The following FRMPD2 variants were observed in gnomAD, a reference collection of about 807,000 sequenced individuals.
FRMPD2 encodes FERM and PDZ domain containing 2.
A neutral mutation model predicts 140.1 loss-of-function variants in FRMPD2; 96 were observed. The observed-to-expected ratio is 0.69, with a 90% CI of 0.58 to 0.81. The LOEUF is 0.81. Ranked by LOEUF, FRMPD2 falls within the 40% of genes least tolerant of loss-of-function variation. The pLI is 0.00. For synonymous variants in FRMPD2, 449 were observed against 547.6 expected (o/e 0.82, Z 2.52); for missense variants, 1,240 against 1,447.4 (o/e 0.86, Z 2.32).
intron 15 of FRMPD2, among the ~76,000 whole-genome samples, chr10:48,197,285 T>A (rs1219421554): frequency 6.6e-6 from 1 of 152,032 alleles, no homozygotes. Context: ...GAGCCACCAT[T>A]ACTACTCTCA....
intron 3 of FRMPD2, among the ~76,000 whole-genome samples, chr10:48,247,488 C>G (rs558692286): frequency 2.2e-4 from 34 of 152,238 alleles, no homozygotes; most frequent in Non-Finnish European, 4.3e-4. Flanking sequence ...CATCTCCTTG[C>G]AACAAGCAAC....
chr10:48,207,918 C>T (rs1162153916), intron 13 of FRMPD2, among the ~76,000 whole-genome samples: 11 of 152,276 alleles, frequency 7.2e-5, no homozygotes, highest in African/African-American at 1.2e-4. Flanking sequence ...TCCCATTCAC[C>T]GTTGATGAAG....
chr10:48,258,043 G>A (rs148793147), intron 1 of FRMPD2, among the ~76,000 whole-genome samples: 4 of 152,340 alleles, frequency 2.6e-5, no homozygotes, highest in African/African-American at 9.6e-5. Flanking sequence ...GAAGGAACCA[G>A]GAAGAATGTG....
intron 15 of FRMPD2, among the ~76,000 whole-genome samples, chr10:48,197,197 C>T (rs1358966167): frequency 2.6e-5 from 4 of 152,178 alleles, no homozygotes; most frequent in African/African-American, 9.7e-5. Context: ...TTGACCCCAA[C>T]TCCTGGGCCA....
chr10:48,203,303 T>C (rs1785830067), intron 14 of FRMPD2, among the ~76,000 whole-genome samples: 1 of 152,134 alleles, frequency 6.6e-6, no homozygotes, highest in Admixed American at 6.5e-5. Context: ...GACATAAAGG[T>C]GAAAAGAGTC....
intron 14 of FRMPD2, among the ~76,000 whole-genome samples, chr10:48,205,100 C>G (rs1839174996): frequency 6.6e-6 from 1 of 152,166 alleles, no homozygotes; most frequent in East Asian, 1.9e-4. Flanking sequence ...CTATTTTGTG[C>G]TTACAGAAGC....
Position 48,201,263 on chromosome 10 carries a change from T to G in FRMPD2, c.1919A>C (p.Gln640Pro). ...ATGGGAAGGCTGCCCAGAGCCCATCTGTGCATTAAACCCATGCTGGGCTGA... is the reference window on the plus strand; with the variant it reads ...ATGGGAAGGCTGCCCAGAGCCCATCGGTGCATTAAACCCATGCTGGGCTGA... ...LCSAQHGFNA[Q>P]MGSGQPSHVL... The change falls in exon 15 of 29, where the codon CAG becomes CCG. Residue 640 changes from glutamine to proline, a missense_variant. Physicochemically the swap from Gln to Pro is moderately conservative, Grantham distance 76. Transcript: ENST00000374201. 2 of 1,613,154 alleles carry G rather than the reference T, an allele frequency of 1.2e-6. No homozygotes were observed. The highest frequency in any genetic ancestry group is 1.7e-6 in the Non-Finnish European group (2 of 1,179,486).
intron 15 of FRMPD2, 49 bp downstream of exon 15, chr10:48,201,178 GA>G: frequency 1.4e-6 from 2 of 1,413,612 alleles, no homozygotes; most frequent in Non-Finnish European, 1.9e-6. Flanking sequence ...ATTATTTTAT[GA>G]AATAACAAAC....
chr10:48,220,930 C>A (rs1215972909), intron 12 of FRMPD2, among the ~76,000 whole-genome samples: 3 of 152,050 alleles, frequency 2.0e-5, no homozygotes, highest in South Asian at 4.1e-4. Context: ...ACCAAAAAAT[C>A]AAAAAATGAT....
intron 1 of FRMPD2, among the ~76,000 whole-genome samples, chr10:48,257,835 T>C (rs933733723): frequency 4.6e-5 from 7 of 152,192 alleles, no homozygotes; most frequent in Admixed American, 6.5e-5. Flanking sequence ...GAGCACATCA[T>C]ATTTCCTGTC....
chr10:48,206,576 A>G (rs1468632407), intron 14 of FRMPD2, among the ~76,000 whole-genome samples, 172 bp downstream of exon 14: 1 of 152,326 alleles, frequency 6.6e-6, no homozygotes, highest in Admixed American at 6.5e-5. Flanking sequence ...CCCTTGGCAG[A>G]CTTCTTCCAA....
At chr10:48,170,439 C>T (rs1348778958) in intron 26 of FRMPD2, among the ~76,000 whole-genome samples, 1 of 152,182 alleles carries the variant, frequency 6.6e-6, no homozygotes, top group African/African-American at 2.4e-5. Context: ...TCCCACTCTT[C>T]CTAGCCCTAG....
chr10:48,203,085 T>C (rs1839126469), intron 14 of FRMPD2, among the ~76,000 whole-genome samples: 1 of 152,214 alleles, frequency 6.6e-6, no homozygotes, highest in South Asian at 2.1e-4. Flanking sequence ...GGTGAGCCAC[T>C]GTGCCTTGCA....
intron 20 of FRMPD2, among the ~76,000 whole-genome samples, chr10:48,182,527 T>A (rs1018933914): frequency 6.6e-6 from 1 of 152,128 alleles, no homozygotes; most frequent in African/African-American, 2.4e-5. Flanking sequence ...AAGAAAGTCA[T>A]GGTAGTCAAG....
intron 21 of FRMPD2, among the ~76,000 whole-genome samples, chr10:48,179,278 G>GA (rs1185962166): frequency 7.0e-6 from 1 of 141,878 alleles, no homozygotes; most frequent in Non-Finnish European, 1.5e-5. Flanking sequence ...AGGTTTCTCT[G>GA]ACCTTCCCCT....
intron 12 of FRMPD2, among the ~76,000 whole-genome samples, chr10:48,218,903 C>T (rs1324350340): frequency 6.6e-6 from 1 of 152,188 alleles, no homozygotes; most frequent in Non-Finnish European, 1.5e-5. Context: ...TTTTGCAAGA[C>T]AATAAATGAC....
intron 14 of FRMPD2, among the ~76,000 whole-genome samples, chr10:48,203,876 C>A (rs867725070): frequency 6.6e-6 from 1 of 152,182 alleles, no homozygotes; most frequent in Admixed American, 6.5e-5. Flanking sequence ...CTCCTTGCCA[C>A]GTCCCTTCGC....
chr10:48,211,969 C>G lies in FRMPD2; in HGVS notation c.1596G>C (p.Glu532Asp), dbSNP rs754374276. 4 of 1,613,564 alleles carry G rather than the reference C, an allele frequency of 2.5e-6. No individual in the cohort carries two copies. The highest frequency in any genetic ancestry group is 3.4e-6 in the Non-Finnish European group (4 of 1,179,856). Residue 532 changes from glutamate to aspartate, a missense_variant, in exon 13 of 29, where the codon GAG (glutamate) becomes GAC (aspartate). Around this residue, in one of 6 missense-constraint regions of FRMPD2, gnomAD observed 1,161 missense variants for 1,055.9 expected, o/e 1.10. Transcript: ENST00000374201. ...LSSALWGEDA[E>D]LKFLRVTQQL... ...AAGGCCTTACCCTCAAGAACTTCAG[C>G]TCAGCATCCTCTCCCCACAGTGCAG...
At chr10:48,191,647 AC>A (rs1407960793) in intron 16 of FRMPD2, among the ~76,000 whole-genome samples, 1 of 152,116 alleles carries the variant, frequency 6.6e-6, no homozygotes, top group East Asian at 1.9e-4. Flanking sequence ...AATCATCCAT[AC>A]CCTCTTGCTG....
Sources: gnomAD v4.1 joint callset for allele counts (sites outside exome capture counted in the v4.1 genomes callset) on GRCh38, gnomAD v4.1.1 for gene constraint, gnomAD v4.1.1 regional missense constraint, MANE v1.5 for transcripts, NCBI Gene and HGNC (gene_info 2026-07-23, HGNC 2026-07-21) for gene names.